Variants in AKAP13 observed in about 807,000 individuals in gnomAD.
AKAP13 encodes the protein A-kinase anchoring protein 13, also known as A-kinase anchor protein 13.
A neutral mutation model predicts 264.5 loss-of-function variants in AKAP13; 80 were observed. The observed-to-expected ratio is 0.30, with a 90% CI of 0.25 to 0.36. AKAP13 has a LOEUF of 0.36. AKAP13 is among the 10% of genes least tolerant of loss of function. The probability of loss-of-function intolerance (pLI) is 1.00; values close to 1 mark genes in which losing one functional copy is unlikely to be tolerated. For synonymous variants in AKAP13, 1,380 were observed against 1,250.2 expected (o/e 1.10, Z -2.19); for missense variants, 3,712 against 3,435.2 (o/e 1.08, Z -2.01).
At chr15:85,464,933 G>A (rs968337689) in intron 1 of AKAP13, among the ~76,000 whole-genome samples, 5 of 151,778 alleles carry the variant, frequency 3.3e-5, no homozygotes, top group Admixed American at 1.3e-4. Context: ...TGATCTTTAG[G>A]CATTAATTAC....
chr15:85,483,638 A>C (rs1049137872), intron 1 of AKAP13, among the ~76,000 whole-genome samples: 5 of 110,586 alleles, frequency 4.5e-5, no homozygotes, highest in Admixed American at 9.9e-5. Flanking sequence ...GTCTCAAAAA[A>C]AAAAAAAAAA....
intron 2 of AKAP13, among the ~76,000 whole-genome samples, chr15:85,502,518 G>A (rs1011756253): frequency 6.6e-6 from 1 of 152,130 alleles, no homozygotes; most frequent in African/African-American, 2.4e-5. Flanking sequence ...CTGGAAATGT[G>A]TAATATCCCT....
chr15:85,617,517 G>A (rs560563439), intron 8 of AKAP13, among the ~76,000 whole-genome samples: 1 of 152,320 alleles, frequency 6.6e-6, no homozygotes, highest in African/African-American at 2.4e-5. Flanking sequence ...TGGGATTACA[G>A]GCGTGAGCCA....
intron 14 of AKAP13, among the ~76,000 whole-genome samples, chr15:85,681,585 A>G (rs1417332764): frequency 6.6e-6 from 1 of 151,838 alleles, no homozygotes; most frequent in African/African-American, 2.4e-5. Flanking sequence ...TATCTCCCTC[A>G]TTTCACAGAT....
At chr15:85,676,646 A>C (rs1348578767) in intron 14 of AKAP13, among the ~76,000 whole-genome samples, 2 of 152,074 alleles carry the variant, frequency 1.3e-5, no homozygotes, top group African/African-American at 4.8e-5. Context: ...GGTGAGGGAG[A>C]AGAGAGCCAG....
At chr15:85,458,851 A>G (rs1471794291) in intron 1 of AKAP13, among the ~76,000 whole-genome samples, 1 of 152,200 alleles carries the variant, frequency 6.6e-6, no homozygotes, top group Non-Finnish European at 1.5e-5. Flanking sequence ...GTGTTGCTGG[A>G]ATAGTCTCCT....
At chr15:85,704,363 C>T (rs571959568) in intron 17 of AKAP13, among the ~76,000 whole-genome samples, 16 of 152,244 alleles carry the variant, frequency 1.1e-4, no homozygotes, top group African/African-American at 3.4e-4. Context: ...CTTAAGTTAG[C>T]CTCGCTAATG....
At chr15:85,598,356 T>C (rs1439436784) in intron 8 of AKAP13, among the ~76,000 whole-genome samples, 1 of 152,198 alleles carries the variant, frequency 6.6e-6, no homozygotes, top group Non-Finnish European at 1.5e-5. Context: ...GGACATTTTC[T>C]CTAAGAGGCT....
Position 85,747,473 on chromosome 15 carries a change from C to T in AKAP13, c.*2796C>T, listed in dbSNP as rs1041932151. On this transcript the variant is annotated 3_prime_UTR_variant, in exon 37 of 37. Coordinates refer to ENST00000394518, the MANE Select transcript of AKAP13 (RefSeq NM_007200.5). Reference sequence around the variant, plus strand: ...GTTCTCCATCAAGCTAAAGAAATCACGTGCCTGAAACTGTGCTTAAGTTTT... The same window carrying T: ...GTTCTCCATCAAGCTAAAGAAATCATGTGCCTGAAACTGTGCTTAAGTTTT... 1 of 152,618 alleles carries T rather than the reference C, an allele frequency of 6.6e-6. No individual in the cohort carries two copies. The highest frequency in any genetic ancestry group is 2.4e-5 in the African/African-American group (1 of 41,446). The allele number at this position is 152,618 out of a possible 1,614,324, so 9.5% of individuals were successfully genotyped here.
chr15:85,591,011 C>T (rs1477490339), intron 8 of AKAP13, among the ~76,000 whole-genome samples: 1 of 152,120 alleles, frequency 6.6e-6, no homozygotes, highest in Non-Finnish European at 1.5e-5. Context: ...ATAAAAGCTT[C>T]AGGAATAGTT....
intron 11 of AKAP13, 45 bp downstream of exon 11, chr15:85,655,832 T>C (rs903117171): frequency 6.4e-7 from 1 of 1,550,410 alleles, no homozygotes; most frequent in African/African-American, 1.4e-5. Context: ...GTCTGCTTGC[T>C]TTTGAGAAGC....
rs151138788 is a variant in AKAP13 at position 85,683,862 on chromosome 15, G to C, written c.5157-879G>C. ...GACTTAGATTTTATGTAGGTTTCTT[G>C]AACAGGTAGATCACTGAATCTACAT... On this transcript the variant is annotated intron_variant, in intron 15 of 36. Coordinates refer to ENST00000394518, the MANE Select transcript of AKAP13 (RefSeq NM_007200.5). 7.2e-5 allele frequency among the ~76,000 whole-genome samples: 11 copies of C among 152,298 alleles called. No homozygotes were observed. In the East Asian group the frequency reaches 2.1e-3, roughly 29 times the overall value.
chr15:85,601,418 C>G (rs1214154779), intron 8 of AKAP13, among the ~76,000 whole-genome samples: 1 of 152,088 alleles, frequency 6.6e-6, no homozygotes, highest in African/African-American at 2.4e-5. Context: ...TTGTTTAGAC[C>G]TAATCTCACA....
intron 3 of AKAP13, among the ~76,000 whole-genome samples, chr15:85,522,665 C>G (rs530081081): frequency 1.3e-5 from 2 of 152,124 alleles, no homozygotes; most frequent in African/African-American, 4.8e-5. Context: ...ATTCTAGTAC[C>G]ACTTTATATA....
intron 8 of AKAP13, among the ~76,000 whole-genome samples, chr15:85,595,905 A>G (rs879294026): frequency 4.1e-4 from 62 of 152,216 alleles, no homozygotes; most frequent in Non-Finnish European, 6.3e-4. Context: ...TAGTATATGA[A>G]CCATGTGGAA....
chr15:85,741,022 G>T (rs781766230), intron 34 of AKAP13, 24 bp from the exon 35 acceptor site: 31 of 1,582,224 alleles, frequency 2.0e-5, no homozygotes, highest in Non-Finnish European at 2.7e-5. Flanking sequence ...AGAGTTGCAG[G>T]GCTCCCCTCT....
intron 4 of AKAP13, among the ~76,000 whole-genome samples, chr15:85,539,663 G>T (rs747711880): frequency 3.3e-5 from 5 of 152,130 alleles, no homozygotes; most frequent in Admixed American, 6.5e-5. Context: ...CTTTTTTGCA[G>T]ATCTGAGGGA....
chr15:85,630,208 CAT>C (rs1555452667), intron 8 of AKAP13, among the ~76,000 whole-genome samples: 23 of 44,924 alleles, frequency 5.1e-4, no homozygotes, highest in African/African-American at 3.2e-3. Context: ...CACACACACA[CAT>C]CATGAACTAA....
intron 1 of AKAP13, among the ~76,000 whole-genome samples, chr15:85,449,498 C>G (rs922377235): frequency 7.2e-5 from 11 of 152,120 alleles, no homozygotes; most frequent in Non-Finnish European, 1.6e-4. Flanking sequence ...GCGTCTTTGT[C>G]TTGTACCGGT....
Sources: gnomAD v4.1 joint callset for allele counts (sites outside exome capture counted in the v4.1 genomes callset) on GRCh38, gnomAD v4.1.1 for gene constraint, MANE v1.5 for transcripts, NCBI Gene and HGNC (gene_info 2026-07-23, HGNC 2026-07-21) for gene names.